STPG2: variants seen among roughly 807,000 people sequenced by gnomAD.
STPG2 encodes sperm-tail PG-rich repeat-containing protein 2.
A neutral mutation model predicts 54.2 loss-of-function variants in STPG2; 56 were observed. The observed-to-expected ratio is 1.03, with a 90% CI of 0.83 to 1.29. The LOEUF (loss-of-function observed/expected upper bound fraction) is 1.29. Ranked by LOEUF, STPG2 falls within the 50% of genes most tolerant of loss-of-function variation. The pLI, the probability that STPG2 is intolerant of heterozygous loss-of-function variation, is 0.00. For synonymous variants in STPG2, 200 were observed against 181.8 expected (o/e 1.10, Z -0.81); for missense variants, 596 against 544.9 (o/e 1.09, Z -0.93).
At chr4:97,952,155 C>G (rs1227560281) in intron 7 of STPG2, among the ~76,000 whole-genome samples, 2 of 152,224 alleles carry the variant, frequency 1.3e-5, no homozygotes, top group Non-Finnish European at 2.9e-5. Context: ...ACACCTGAAC[C>G]TGAAAGGTGC....
At chr4:97,640,714 T>G (rs1011337124) in intron 10 of STPG2, among the ~76,000 whole-genome samples, 6 of 151,302 alleles carry the variant, frequency 4.0e-5, no homozygotes, top group Admixed American at 1.3e-4. Context: ...AACAAAAAAT[T>G]TATAATATAT....
At chr4:97,967,960 A>C (rs1734172693) in intron 7 of STPG2, among the ~76,000 whole-genome samples, 2 of 152,300 alleles carry the variant, frequency 1.3e-5, no homozygotes, top group South Asian at 4.1e-4. Context: ...CTAGAGAAGC[A>C]AGAGCAAACA....
chr4:97,675,578 T>C (rs975420805), intron 10 of STPG2, among the ~76,000 whole-genome samples: 2 of 152,128 alleles, frequency 1.3e-5, no homozygotes, highest in African/African-American at 4.8e-5. Context: ...AAAATGGTAT[T>C]CCTTGAGTGT....
chr4:97,765,291 G>T (rs1041403034), intron 9 of STPG2, among the ~76,000 whole-genome samples: 1 of 152,076 alleles, frequency 6.6e-6, no homozygotes, highest in African/African-American at 2.4e-5. Flanking sequence ...CACTTTAAGT[G>T]ATATACTGAG....
intron 10 of STPG2, among the ~76,000 whole-genome samples, chr4:97,654,538 A>G (rs908296869): frequency 6.6e-6 from 1 of 152,064 alleles, no homozygotes; most frequent in African/African-American, 2.4e-5. Flanking sequence ...TTACCCTTCC[A>G]TGCATCCTTT....
intron 5 of STPG2, among the ~76,000 whole-genome samples, chr4:98,019,375 T>G (rs1273616301): frequency 2.0e-5 from 3 of 152,052 alleles, no homozygotes; most frequent in Non-Finnish European, 4.4e-5. Context: ...CATTGATCTA[T>G]ATCTCTGTTT....
intron 9 of STPG2, among the ~76,000 whole-genome samples, chr4:97,738,931 C>A (rs959294617): frequency 6.6e-6 from 1 of 152,182 alleles, no homozygotes. Flanking sequence ...CACCGCACCA[C>A]ACCTATTCCA....
chr4:97,707,528 T>A (rs1477296131), intron 10 of STPG2, among the ~76,000 whole-genome samples: 1 of 151,534 alleles, frequency 6.6e-6, no homozygotes, highest in African/African-American at 2.4e-5. Flanking sequence ...CTCAAAAAAA[T>A]GAAAATAATT....
intron 10 of STPG2, among the ~76,000 whole-genome samples, chr4:97,612,709 A>G (rs1226792521): frequency 2.6e-5 from 4 of 152,082 alleles, no homozygotes; most frequent in African/African-American, 9.7e-5. Context: ...TTTAGTTAAG[A>G]CAGAGGAAAA....
intron 9 of STPG2, among the ~76,000 whole-genome samples, chr4:97,822,029 C>CT (rs765711446): frequency 6.6e-6 from 1 of 152,208 alleles, no homozygotes; most frequent in Non-Finnish European, 1.5e-5. Flanking sequence ...CCTAATAATG[C>CT]TTTTTCTTTC....
intron 10 of STPG2, among the ~76,000 whole-genome samples, chr4:97,561,917 T>G (rs374550334): frequency 1.4e-3 from 212 of 152,228 alleles, no homozygotes; most frequent in Middle Eastern, 6.8e-3. Context: ...TTGACTTGGC[T>G]ATGCGGGCTC....
In STPG2 at chr4:97,485,941, G is replaced by A. The variant is rs192740919; in HGVS notation, c.462+226758C>T. On this transcript the variant is annotated intron_variant, in intron 4 of 4. Coordinates refer to the STPG2 transcript ENST00000522676. ...AAAGCGAACAAAAATATAAAGTAGT[G>A]AAAAGACACCCTTTTCAACAAATTG... is the stretch of plus-strand genomic sequence containing the variant. 4.2e-3 allele frequency among the ~76,000 whole-genome samples: 634 copies of A among 151,864 alleles called. 3 individuals are homozygous for A. Among genetic ancestry groups the A allele is most frequent in the South Asian group, 0.02 (97 of 4,826 alleles).
intron 9 of STPG2, among the ~76,000 whole-genome samples, chr4:97,740,166 C>A (rs1003000088): frequency 6.6e-6 from 1 of 152,168 alleles, no homozygotes; most frequent in Non-Finnish European, 1.5e-5. Context: ...TTCAACAACG[C>A]TTCATGCTAA....
chr4:97,853,168 C>G (rs944723049), intron 8 of STPG2, among the ~76,000 whole-genome samples: 1 of 151,524 alleles, frequency 6.6e-6, no homozygotes. Flanking sequence ...TTAGTACAGA[C>G]GGGGTTTCAC....
chr4:98,018,587 CACCACACTGACT>C (rs1302634923), intron 5 of STPG2, among the ~76,000 whole-genome samples: 8 of 152,168 alleles, frequency 5.3e-5, no homozygotes, highest in Non-Finnish European at 1.0e-4. Context: ...CCTGAGGAAT[CACCACACTGACT>C]TCCACAATGG....
rs951290324 is a variant in STPG2 at position 97,814,829 on chromosome 4, A to C, written c.1204+25944T>G. Among the ~76,000 whole-genome samples the C allele has an allele frequency of 3.9e-5, 6 of 152,216 alleles. No individual in the cohort carries two copies. In the South Asian group the frequency reaches 1.2e-3, roughly 32 times the overall value. ...TCCTGCCCTTGAACATTGGAGTCCA[A>C]GTTCTTCAGCTTTGGGATTCGGACT... On this transcript the variant is annotated intron_variant, in intron 9 of 10. Coordinates refer to ENST00000295268, the MANE Select transcript of STPG2 (RefSeq NM_174952.3).
chr4:97,829,097 G>T (rs1728356142), intron 9 of STPG2, among the ~76,000 whole-genome samples: 1 of 152,146 alleles, frequency 6.6e-6, no homozygotes, highest in Non-Finnish European at 1.5e-5. Context: ...CCGAGTAGGG[G>T]TCGACAGACA....
At chr4:98,107,639 A>T (rs13106995) in intron 4 of STPG2, among the ~76,000 whole-genome samples, 59,935 of 151,816 alleles carry the variant, frequency 0.39, 12,037 homozygotes, top group Middle Eastern at 0.45. Context: ...AGTCCCGGGT[A>T]TGCCTGGGGT....
chr4:97,919,931 A>G (rs1732034501), intron 8 of STPG2, among the ~76,000 whole-genome samples: 1 of 152,196 alleles, frequency 6.6e-6, no homozygotes, highest in African/African-American at 2.4e-5. Flanking sequence ...TTTATTGAAT[A>G]GCCTATGTAC....
Sources: gnomAD v4.1 joint callset for allele counts (sites outside exome capture counted in the v4.1 genomes callset) on GRCh38, gnomAD v4.1.1 for gene constraint, MANE v1.5 for transcripts, NCBI Gene and HGNC (gene_info 2026-07-23, HGNC 2026-07-21) for gene names.